LAMA2: variants seen among roughly 807,000 people sequenced by gnomAD.
The protein encoded by LAMA2 is laminin subunit alpha-2.
Under a neutral mutation model 364.8 loss-of-function variants are expected in LAMA2, and 269 were observed. The observed-to-expected ratio is 0.74, with a 90% CI of 0.67 to 0.82. The LOEUF is 0.82. LAMA2 is among the 40% of genes least tolerant of loss of function. The pLI is 0.00. For missense variants in LAMA2, 3,807 were observed against 3,873.2 expected (o/e 0.98, Z 0.45); for synonymous variants, 1,379 against 1,370.6 (o/e 1.01, Z -0.14).
intron 1 of LAMA2, among the ~76,000 whole-genome samples, chr6:129,004,593 A>G (rs1784325873): frequency 6.6e-6 from 1 of 152,098 alleles, no homozygotes; most frequent in Non-Finnish European, 1.5e-5. Flanking sequence ...AGCCTAATGT[A>G]TTGCCTTCTC....
chr6:128,937,982 A>T (rs1779933253), intron 1 of LAMA2, among the ~76,000 whole-genome samples: 1 of 150,688 alleles, frequency 6.6e-6, no homozygotes, highest in African/African-American at 2.4e-5. Flanking sequence ...TTGTATTGTT[A>T]TTTTCATTTG....
intron 4 of LAMA2, among the ~76,000 whole-genome samples, chr6:129,135,862 A>G (rs930350931): frequency 6.6e-6 from 1 of 152,226 alleles, no homozygotes; most frequent in African/African-American, 2.4e-5. Context: ...GAGAAGCTCT[A>G]TTTTGACAAC....
At chr6:129,066,874 C>CAGAA (rs1487003619) in intron 3 of LAMA2, among the ~76,000 whole-genome samples, 1 of 152,120 alleles carries the variant, frequency 6.6e-6, no homozygotes, top group Non-Finnish European at 1.5e-5. Context: ...TGTCCACATG[C>CAGAA]AGAAGAATGA....
chr6:129,121,542 AT>A (rs1476988013), intron 4 of LAMA2, among the ~76,000 whole-genome samples: 3 of 152,152 alleles, frequency 2.0e-5, no homozygotes, highest in Admixed American at 2.0e-4. Flanking sequence ...AATTTTACAT[AT>A]TAGAAGTGGC....
In LAMA2 at chr6:129,486,526, C is replaced by A; in HGVS notation, c.7802C>A (p.Thr2601Lys). ...NRGRLEVHLS[T>K]GARTMRKIVI... ...GGCCGTCTGGAAGTGCATCTCTCCA[C>A]AGGGGCACGAACAATGAGGAAAATT... is the stretch of plus-strand genomic sequence containing the variant. The change falls in exon 56 of 65, where the codon ACA (threonine) becomes AAA (lysine). Residue 2601 changes from threonine (T) to lysine (K), a missense_variant. Around this residue, in one of 3 missense-constraint regions of LAMA2, gnomAD observed 3,333 missense variants for 3,345.7 expected, o/e 1.00. Coordinates refer to ENST00000421865, the MANE Select transcript of LAMA2 (RefSeq NM_000426.4). The A allele has an allele frequency of 6.2e-7, 1 of 1,613,928 alleles. No individual in the cohort carries two copies. Among genetic ancestry groups the A allele is most frequent in the South Asian group, 1.1e-5 (1 of 91,086 alleles).
intron 11 of LAMA2, 72 bp downstream of exon 11, chr6:129,190,417 G>C (rs1175477767): frequency 3.4e-6 from 5 of 1,455,628 alleles, no homozygotes; most frequent in East Asian, 4.6e-5. Context: ...TTGTTCTTTT[G>C]TATGAACAGT....
At chr6:128,892,413 G>A (rs751131710) in intron 1 of LAMA2, among the ~76,000 whole-genome samples, 5 of 151,764 alleles carry the variant, frequency 3.3e-5, no homozygotes, top group East Asian at 3.9e-4. Flanking sequence ...TACAATAAAC[G>A]TTTTTTCTAG....
Position 129,438,898 on chromosome 6 carries a change from A to G in LAMA2, c.6085+136A>G, listed in dbSNP as rs1781965124. On this transcript the variant is annotated intron_variant, in intron 42 of 64. Transcript: ENST00000421865. Reference sequence around the variant, plus strand: ...TAGATACTGTTTTTCTTACTCATGAATTCTTCTTTGTGAGAATGAGAAACT... The same window carrying G: ...TAGATACTGTTTTTCTTACTCATGAGTTCTTCTTTGTGAGAATGAGAAACT... 8 of 675,294 alleles carry G rather than the reference A, an allele frequency of 1.2e-5. No homozygotes were observed. The South Asian group carries it at 1.3e-4, about 11-fold the overall frequency. The allele number at this position is 675,294 out of a possible 1,614,324, so 41.8% of individuals were successfully genotyped here. A position where few individuals can be genotyped will look rare whatever the true frequency, so the allele number is the denominator to read the frequency against.
chr6:129,230,076 T>C (rs1482478879), intron 12 of LAMA2, among the ~76,000 whole-genome samples: 1 of 152,074 alleles, frequency 6.6e-6, no homozygotes, highest in Non-Finnish European at 1.5e-5. Flanking sequence ...AGAAAATGAA[T>C]AACGAGACAA....
At chr6:129,346,634 A>G (rs1393580546) in intron 30 of LAMA2, among the ~76,000 whole-genome samples, 1 of 152,146 alleles carries the variant, frequency 6.6e-6, no homozygotes, top group Non-Finnish European at 1.5e-5. Flanking sequence ...TCTTTATTCA[A>G]GAAAAAGTTA....
At chr6:129,498,789 G>T (rs1444823145) in intron 58 of LAMA2, among the ~76,000 whole-genome samples, 2 of 152,104 alleles carry the variant, frequency 1.3e-5, no homozygotes, top group African/African-American at 4.8e-5. Flanking sequence ...CTCTGCTCAG[G>T]ACCCAGGAAA....
chr6:129,179,346 A>G (rs1211071316), intron 10 of LAMA2, among the ~76,000 whole-genome samples: 3 of 152,174 alleles, frequency 2.0e-5, no homozygotes, highest in Non-Finnish European at 2.9e-5. Context: ...TTTCTAGAAT[A>G]TATAAAATCA....
chr6:129,282,132 T>C (rs148063482), intron 18 of LAMA2, among the ~76,000 whole-genome samples: 3 of 152,310 alleles, frequency 2.0e-5, no homozygotes, highest in Admixed American at 2.0e-4. Context: ...ATTTCCCAAA[T>C]TGTAGATGTT....
chr6:128,939,425 C>T (rs1476069505), intron 1 of LAMA2, among the ~76,000 whole-genome samples: 2 of 151,946 alleles, frequency 1.3e-5, no homozygotes, highest in Non-Finnish European at 2.9e-5. Flanking sequence ...ACATATATAC[C>T]TTCACCTGAC....
intron 1 of LAMA2, among the ~76,000 whole-genome samples, chr6:129,010,015 T>C (rs1345715130): frequency 2.6e-5 from 4 of 152,182 alleles, no homozygotes; most frequent in Non-Finnish European, 5.9e-5. Flanking sequence ...AGTGTTTCAA[T>C]GTTATTCTGC....
chr6:128,888,146 G>C (rs533893713), intron 1 of LAMA2, among the ~76,000 whole-genome samples: 2 of 152,244 alleles, frequency 1.3e-5, no homozygotes, highest in South Asian at 4.1e-4. Flanking sequence ...AAACAAGACA[G>C]AGTTTAGAGA....
At chr6:129,303,233 G>A (rs1773658896) in intron 22 of LAMA2, among the ~76,000 whole-genome samples, 1 of 152,068 alleles carries the variant, frequency 6.6e-6, no homozygotes, top group African/African-American at 2.4e-5. Flanking sequence ...TTCCATTTCA[G>A]TTTTAAATTG....
At chr6:129,505,073 G>T (rs866759808) in intron 60 of LAMA2, 127 bp from the exon 61 acceptor site, 7 of 801,664 alleles carry the variant, frequency 8.7e-6, no homozygotes, top group South Asian at 7.2e-5. Context: ...TGGGCTTAGC[G>T]CATACTAAGC....
At chr6:129,319,228 G>C (rs1395720030) in intron 27 of LAMA2, among the ~76,000 whole-genome samples, 1 of 152,114 alleles carries the variant, frequency 6.6e-6, no homozygotes, top group African/African-American at 2.4e-5. Flanking sequence ...GAAGAAATTT[G>C]GGATAGTAGT....
Sources: gnomAD v4.1 joint callset for allele counts (sites outside exome capture counted in the v4.1 genomes callset) on GRCh38, gnomAD v4.1.1 for gene constraint, gnomAD v4.1.1 regional missense constraint, MANE v1.5 for transcripts, NCBI Gene and HGNC (gene_info 2026-07-23, HGNC 2026-07-21) for gene names.